Variants in CDC45 observed in about 807,000 individuals in gnomAD.
The protein encoded by CDC45 is cell division cycle 45.
A neutral mutation model predicts 77.8 loss-of-function variants in CDC45; 54 were observed. That is an observed-to-expected ratio of 0.69 (90% CI 0.56 to 0.87). The LOEUF (loss-of-function observed/expected upper bound fraction) is 0.87, where lower values mean the gene tolerates loss of function less well. Among genes scored for constraint, CDC45 ranks in the 40% least tolerant of loss-of-function variants. The probability of loss-of-function intolerance (pLI) is 0.00; values close to 1 mark genes in which losing one functional copy is unlikely to be tolerated. For synonymous variants in CDC45, 260 were observed against 272.1 expected, an observed-to-expected ratio of 0.96 and a Z score of 0.44; for missense variants, 649 against 721.6, an observed-to-expected ratio of 0.90 and a Z score of 1.15.
intron 5 of CDC45, among the ~76,000 whole-genome samples, chr22:19,488,170 T>C (rs551934337): frequency 1.8e-4 from 28 of 152,220 alleles, no homozygotes; most frequent in Non-Finnish European, 2.8e-4. Flanking sequence ...CTGTGTGCCA[T>C]TGTAAAATAA....
At chr22:19,504,199 G>A (rs999694700) in intron 9 of CDC45, among the ~76,000 whole-genome samples, 2 of 152,268 alleles carry the variant, frequency 1.3e-5, no homozygotes, top group Admixed American at 6.5e-5. Context: ...GTTTGCAGCA[G>A]AGGAAGAGTT....
At chr22:19,519,084 G>C (rs1933966345) in intron 18 of CDC45, among the ~76,000 whole-genome samples, 175 bp downstream of exon 18, 1 of 152,202 alleles carries the variant, frequency 6.6e-6, no homozygotes, top group African/African-American at 2.4e-5. Context: ...TAGGCTGCCA[G>C]CAGGGCCACA....
chr22:19,480,120 G>A (rs779528878), intron 1 of CDC45, 38 bp from the exon 2 acceptor site: 1 of 1,613,490 alleles, frequency 6.2e-7, no homozygotes, highest in East Asian at 2.2e-5. Flanking sequence ...GCCGGGGTTC[G>A]GGTCGCCGTG....
intron 5 of CDC45, among the ~76,000 whole-genome samples, chr22:19,489,543 A>AT (rs2090123517): frequency 6.6e-6 from 1 of 152,064 alleles, no homozygotes; most frequent in Non-Finnish European, 1.5e-5. Flanking sequence ...ATTCTTGGAG[A>AT]TTCATCCATG....
rs779121179 is a variant in CDC45 at position 19,505,249 on chromosome 22, C to T, written c.705-113C>T. ...CTTAGTCCCTGCATGGGAACAGCTCCTGTGGTGAGCAGGCCCCTGAGGAAG... is the reference window on the plus strand; with the variant it reads ...CTTAGTCCCTGCATGGGAACAGCTCTTGTGGTGAGCAGGCCCCTGAGGAAG... On this transcript the variant is annotated intron_variant, in intron 9 of 18. Transcript: ENST00000263201. The T allele has an allele frequency of 7.2e-6, 9 of 1,252,908 alleles. No homozygotes were observed. In the Admixed American group the frequency reaches 7.3e-5, roughly 10 times the overall value. 77.6% of individuals were successfully genotyped at this position (1,252,908 alleles called of 1,614,324 possible). A position where few individuals can be genotyped will look rare whatever the true frequency, so the allele number is the denominator to read the frequency against.
intron 18 of CDC45, 74 bp downstream of exon 18, chr22:19,518,983 C>T: frequency 8.9e-7 from 1 of 1,128,990 alleles, no homozygotes; most frequent in South Asian, 1.2e-5. Flanking sequence ...CTGCTCTGTC[C>T]TCCCTCAACG....
At chr22:19,482,852 ACTGT>A in intron 4 of CDC45, 25 bp downstream of exon 4, 1 of 1,610,498 alleles carries the variant, frequency 6.2e-7, no homozygotes. Flanking sequence ...ATGCCCTCAA[ACTGT>A]CTGTACTTTT....
intron 5 of CDC45, among the ~76,000 whole-genome samples, chr22:19,487,036 G>A (rs1012811329): frequency 6.8e-6 from 1 of 147,534 alleles, no homozygotes; most frequent in African/African-American, 2.5e-5. Flanking sequence ...GCTCAAGCCT[G>A]TAATCCCAAC....
intron 3 of CDC45, among the ~76,000 whole-genome samples, chr22:19,481,396 T>G (rs1412431854): frequency 6.6e-6 from 1 of 152,214 alleles, no homozygotes; most frequent in Non-Finnish European, 1.5e-5. Context: ...TTATTTTTTT[T>G]GAAACGGAGT....
chr22:19,518,972 C>T, intron 18 of CDC45, 63 bp downstream of exon 18: 2 of 1,194,012 alleles, frequency 1.7e-6, no homozygotes, highest in Non-Finnish European at 2.5e-6. Flanking sequence ...ACCCTGATGC[C>T]CTGCTCTGTC....
chr22:19,494,088 C>T (rs2090199210), intron 5 of CDC45, among the ~76,000 whole-genome samples: 1 of 152,096 alleles, frequency 6.6e-6, no homozygotes, highest in Admixed American at 6.5e-5. Flanking sequence ...GCTTGGGAAG[C>T]CCCTACTCTT....
Position 19,508,541 on chromosome 22 carries a change from T to TG in CDC45, c.1068dup (p.Arg357AlafsTer52). 1 of 1,614,212 alleles carries TG rather than the reference T, an allele frequency of 6.2e-7. No homozygotes were observed. Among genetic ancestry groups the TG allele is most frequent in the Non-Finnish European group, 8.5e-7 (1 of 1,180,040 alleles). On this transcript the variant is annotated frameshift_variant, in exon 13 of 19. Transcript: ENST00000263201. LOFTEE classifies it high-confidence loss of function. Reference sequence around the variant, plus strand: ...TGCTCCCATGACAGGATGAAGGACATGCGCGTGCAGACTTTCAGCATTCAT... The same window carrying TG: ...TGCTCCCATGACAGGATGAAGGACATGGCGCGTGCAGACTTTCAGCATTCAT...
At chr22:19,482,913 T>C (rs1568911532) in intron 4 of CDC45, 86 bp downstream of exon 4, 2 of 1,245,074 alleles carry the variant, frequency 1.6e-6, no homozygotes, top group Non-Finnish European at 2.3e-6. Flanking sequence ...AAGGTGTGTG[T>C]CTGACTACCC....
chr22:19,506,933 CA>C (rs397816446), intron 10 of CDC45, among the ~76,000 whole-genome samples: 28 of 121,564 alleles, frequency 2.3e-4, no homozygotes, highest in East Asian at 2.4e-4. Context: ...GACTCCGTCT[CA>C]AAAAAAAAAA....
chr22:19,510,446 T>C (rs1023695192), intron 13 of CDC45, among the ~76,000 whole-genome samples: 3 of 152,218 alleles, frequency 2.0e-5, no homozygotes, highest in African/African-American at 4.8e-5. Flanking sequence ...ATATAAGATA[T>C]GGTTCTTTGT....
chr22:19,518,389 G>C lies in CDC45; in HGVS notation c.1637-455G>C, dbSNP rs1056053116. On this transcript the variant is annotated intron_variant, in intron 17 of 18. Coordinates refer to ENST00000263201, the MANE Select transcript of CDC45 (RefSeq NM_003504.5). ...AGGGTCTGGGTGCTCAGCTGAGCCT[G>C]AGGGCCCTGTGAGATATGGGCAGTT... Among the ~76,000 whole-genome samples, 43 of 152,232 alleles carry C rather than the reference G, an allele frequency of 2.8e-4. 1 individual carries two copies. Among genetic ancestry groups the C allele is most frequent in the African/African-American group, 9.9e-4 (41 of 41,464 alleles).
At chr22:19,484,929 GT>G (rs1289231401) in intron 5 of CDC45, among the ~76,000 whole-genome samples, 1 of 124,480 alleles carries the variant, frequency 8.0e-6, no homozygotes. Context: ...AAGACTTTTT[GT>G]TTTTTGTTTT....
At chr22:19,489,367 G>C (rs369014795) in intron 5 of CDC45, among the ~76,000 whole-genome samples, 26 of 151,236 alleles carry the variant, frequency 1.7e-4, no homozygotes, top group African/African-American at 6.3e-4. Context: ...TTCCAGCACT[G>C]TAAGGATCCC....
chr22:19,517,106 A>G (rs1318876839), intron 17 of CDC45, among the ~76,000 whole-genome samples: 1 of 152,226 alleles, frequency 6.6e-6, no homozygotes, highest in Non-Finnish European at 1.5e-5. Flanking sequence ...TTTCCAGGGA[A>G]TGACTGGCCT....
Sources: gnomAD v4.1 joint callset for allele counts (sites outside exome capture counted in the v4.1 genomes callset) on GRCh38, gnomAD v4.1.1 for gene constraint, MANE v1.5 for transcripts, NCBI Gene and HGNC (gene_info 2026-07-23, HGNC 2026-07-21) for gene names.